The following MYO3A variants were observed in gnomAD, a reference collection of about 807,000 sequenced individuals.
MYO3A encodes myosin IIIA, also known as myosin-IIIa.
Under a neutral mutation model 192.7 loss-of-function variants are expected in MYO3A, and 180 were observed. The ratio of observed to expected loss-of-function variants is 0.93; its 90% CI spans 0.83 to 1.06. The LOEUF (loss-of-function observed/expected upper bound fraction) is 1.06. Ranked by LOEUF, MYO3A falls within the 50% of genes least tolerant of loss-of-function variation. The pLI is 0.00. For synonymous variants in MYO3A, 628 were observed against 645.3 expected (o/e 0.97, Z 0.41); for missense variants, 1,896 against 1,905.0 (o/e 1.00, Z 0.09).
At chr10:26,091,591 GAC>G (rs2131530092) in intron 15 of MYO3A, among the ~76,000 whole-genome samples, 1 of 152,322 alleles carries the variant, frequency 6.6e-6, no homozygotes, top group Admixed American at 6.5e-5. Context: ...ATAAGTGGCT[GAC>G]ATGGTCCTCT....
At chr10:26,126,769 A>G (rs1332381564) in intron 19 of MYO3A, among the ~76,000 whole-genome samples, 1 of 152,104 alleles carries the variant, frequency 6.6e-6, no homozygotes, top group Admixed American at 6.6e-5. Context: ...CAGAAGGGGG[A>G]TCTACTATAT....
At chr10:26,066,775 A>C (rs751337268) in intron 10 of MYO3A, among the ~76,000 whole-genome samples, 200 bp from the exon 11 acceptor site, 1 of 152,248 alleles carries the variant, frequency 6.6e-6, no homozygotes, top group Non-Finnish European at 1.5e-5. Context: ...TCCATGAAGT[A>C]AATTCTGTAA....
chr10:25,996,229 C>A (rs944136850), intron 4 of MYO3A, among the ~76,000 whole-genome samples: 8 of 152,172 alleles, frequency 5.3e-5, no homozygotes, highest in African/African-American at 1.9e-4. Context: ...TAATTCTTAT[C>A]CTTGCATTTG....
At chr10:25,980,228 C>T (rs1839237099) in intron 4 of MYO3A, among the ~76,000 whole-genome samples, 1 of 149,206 alleles carries the variant, frequency 6.7e-6, no homozygotes, top group African/African-American at 2.5e-5. Context: ...CGGAGCGAGA[C>T]TCCGTCTCAA....
intron 2 of MYO3A, among the ~76,000 whole-genome samples, chr10:25,947,389 C>CTTTTT (rs869281200): frequency 2.7e-3 from 246 of 91,262 alleles, no homozygotes; most frequent in Middle Eastern, 7.9e-3. Context: ...TTTTCTTTTT[C>CTTTTT]TTTTTTTTTT....
chr10:25,994,069 G>T (rs534140840), intron 4 of MYO3A, among the ~76,000 whole-genome samples: 74 of 152,228 alleles, frequency 4.9e-4, no homozygotes, highest in African/African-American at 1.7e-3. Context: ...GGATATCCTT[G>T]TTAACTTTCT....
intron 17 of MYO3A, among the ~76,000 whole-genome samples, chr10:26,103,784 C>T (rs72787350): frequency 0.097 from 14,804 of 152,236 alleles, 801 homozygotes; most frequent in Non-Finnish European, 0.12. Context: ...TCCAAAATCA[C>T]TGCACCATTT....
At chr10:26,176,904 TATTA>T (rs1842364516) in intron 31 of MYO3A, 59 bp downstream of exon 31, 1 of 1,576,750 alleles carries the variant, frequency 6.3e-7, no homozygotes, top group Non-Finnish European at 8.7e-7. Context: ...ATACTTTGTT[TATTA>T]GTTTCCCACC....
intron 14 of MYO3A, among the ~76,000 whole-genome samples, chr10:26,080,704 G>T (rs147388927): frequency 0.025 from 3,838 of 152,110 alleles, 187 homozygotes; most frequent in African/African-American, 0.087. Context: ...AAAGTCTAGG[G>T]CTGAAGGCTG....
At chr10:25,968,026 A>G (rs188764003) in intron 4 of MYO3A, among the ~76,000 whole-genome samples, 104 of 152,330 alleles carry the variant, frequency 6.8e-4, no homozygotes, top group African/African-American at 2.3e-3. Flanking sequence ...TATCATTTAA[A>G]TAATGGCTGA....
chr10:26,081,208 A>C (rs1031732940), intron 14 of MYO3A, among the ~76,000 whole-genome samples: 3 of 136,460 alleles, frequency 2.2e-5, no homozygotes, highest in Non-Finnish European at 3.1e-5. Flanking sequence ...GGTGTGTCTG[A>C]GTTCAGACTC....
At chr10:26,016,925 G>GT (rs1564463136) in intron 7 of MYO3A, 29 bp downstream of exon 7, 3 of 1,592,050 alleles carry the variant, frequency 1.9e-6, no homozygotes, top group Non-Finnish European at 2.6e-6. Flanking sequence ...GCAGACAAAC[G>GT]TAATAGCTGA....
Position 26,096,375 on chromosome 10 carries a change from T to G in MYO3A, c.1563-6T>G, listed in dbSNP as rs757329270. 1.3e-6 allele frequency: 2 copies of G among 1,586,752 alleles called. No homozygotes were observed. The highest frequency in any genetic ancestry group is 1.7e-6 in the Non-Finnish European group (2 of 1,157,176). ...ACTACCTTACTGTAAATATCTTTTT[T>G]TCCAGTGGAGAAAAAAATTTTCATA... On this transcript the variant is annotated splice_polypyrimidine_tract_variant and splice_region_variant and intron_variant, in intron 15 of 34. Transcript: ENST00000642920.
At chr10:26,042,162 G>A (rs1038649024) in intron 10 of MYO3A, among the ~76,000 whole-genome samples, 3 of 152,054 alleles carry the variant, frequency 2.0e-5, no homozygotes, top group African/African-American at 7.2e-5. Flanking sequence ...GGCCTGTAAG[G>A]TTTCCACTAA....
intron 2 of MYO3A, among the ~76,000 whole-genome samples, chr10:25,948,558 C>T (rs757728064): frequency 3.3e-5 from 5 of 152,000 alleles, no homozygotes; most frequent in Non-Finnish European, 1.5e-5. Context: ...TAGAGAATTA[C>T]TTTTCATTCT....
chr10:25,995,266 C>G (rs975737373), intron 4 of MYO3A, among the ~76,000 whole-genome samples: 1 of 152,162 alleles, frequency 6.6e-6, no homozygotes, highest in Non-Finnish European at 1.5e-5. Context: ...GATCTTCAAT[C>G]GCTGATACCC....
chr10:26,154,896 A>C (rs1841023417), intron 25 of MYO3A, 73 bp downstream of exon 25: 8 of 1,209,288 alleles, frequency 6.6e-6, no homozygotes, highest in Non-Finnish European at 9.6e-6. Context: ...ATCAAAAGCC[A>C]GTAACACTAG....
intron 26 of MYO3A, 132 bp downstream of exon 26, chr10:26,157,647 T>G (rs1841223926): frequency 1.0e-6 from 1 of 979,012 alleles, no homozygotes; most frequent in African/African-American, 1.6e-5. Context: ...CAAATGATTA[T>G]GTGTTGAAAA....
At chr10:26,081,912 A>G (rs1835984032) in intron 14 of MYO3A, among the ~76,000 whole-genome samples, 1 of 151,596 alleles carries the variant, frequency 6.6e-6, no homozygotes, top group African/African-American at 2.4e-5. Context: ...CACTCACAGT[A>G]TTTGGAGGGT....
Sources: gnomAD v4.1 joint callset for allele counts (sites outside exome capture counted in the v4.1 genomes callset) on GRCh38, gnomAD v4.1.1 for gene constraint, MANE v1.5 for transcripts, NCBI Gene and HGNC (gene_info 2026-07-23, HGNC 2026-07-21) for gene names.